Variants in SLC35F3 observed in about 807,000 individuals in gnomAD.
SLC35F3 encodes the protein solute carrier family 35 member F3.
Under a neutral mutation model 49.9 loss-of-function variants are expected in SLC35F3, and 25 were observed. That is an observed-to-expected ratio of 0.50 (90% confidence interval 0.37 to 0.70). The LOEUF is 0.70. Among genes scored for constraint, SLC35F3 ranks in the 30% least tolerant of loss-of-function variants. The pLI is 0.00. For missense variants in SLC35F3, 525 were observed against 639.8 expected (o/e 0.82, Z 1.94); for synonymous variants, 275 against 265.4 (o/e 1.04, Z -0.35).
At chr1:234,286,844 T>C (rs1420529856) in intron 3 of SLC35F3, among the ~76,000 whole-genome samples, 1 of 151,938 alleles carries the variant, frequency 6.6e-6, no homozygotes, top group African/African-American at 2.4e-5. Context: ...ACGTTGTGAG[T>C]TTTGCGTTAG....
At position 233,929,474 on chromosome 1, in the gene SLC35F3, G is replaced by C. The variant is rs142502421; in HGVS notation, c.283+23716G>C. Among the ~76,000 whole-genome samples the C allele has an allele frequency of 1.5e-3, 229 of 152,198 alleles. 1 individual carries two copies. The highest frequency in any genetic ancestry group is 5.4e-3 in the African/African-American group (223 of 41,536). ...TGGAAAAAGCCCACTACTTTACCCCGATCCTAAATCACTGGAAATGGACAC... is the reference window on the plus strand; with the variant it reads ...TGGAAAAAGCCCACTACTTTACCCCCATCCTAAATCACTGGAAATGGACAC... On this transcript the variant is annotated intron_variant, in intron 2 of 7. Transcript: ENST00000366618.
intron 3 of SLC35F3, among the ~76,000 whole-genome samples, chr1:234,275,805 TG>T (rs1668200951): frequency 2.0e-5 from 3 of 151,738 alleles, no homozygotes; most frequent in African/African-American, 7.3e-5. Flanking sequence ...CTGCTGCTGC[TG>T]CTGCTAGCTA....
chr1:233,976,407 C>G (rs1194824343), intron 2 of SLC35F3, among the ~76,000 whole-genome samples: 1 of 152,152 alleles, frequency 6.6e-6, no homozygotes, highest in African/African-American at 2.4e-5. Context: ...GTAGAGATCT[C>G]CCATATATCC....
At chr1:234,279,464 G>A (rs781317302) in intron 3 of SLC35F3, among the ~76,000 whole-genome samples, 8 of 152,128 alleles carry the variant, frequency 5.3e-5, no homozygotes, top group Admixed American at 2.6e-4. Context: ...GAGGGGAGAC[G>A]AACATGAGGC....
chr1:234,092,948 G>A lies in SLC35F3; in HGVS notation c.284-138469G>A, dbSNP rs544773447. 5.3e-5 allele frequency among the ~76,000 whole-genome samples: 8 copies of A among 152,226 alleles called. No homozygotes were observed. The South Asian group carries it at 1.2e-3, about 24-fold the overall frequency. On this transcript the variant is annotated intron_variant, in intron 2 of 7. Transcript: ENST00000366618. ...GAAGAAACATCTCTACTCTCCAGTC[G>A]GCTGAGTCTCCACCACTCCCTGTTT...
At chr1:234,164,459 C>T (rs1233503352) in intron 2 of SLC35F3, among the ~76,000 whole-genome samples, 1 of 151,736 alleles carries the variant, frequency 6.6e-6, no homozygotes, top group Non-Finnish European at 1.5e-5. Flanking sequence ...CCTGTTTTCT[C>T]CTTCCACATA....
chr1:234,233,120 C>G (rs2102952152), intron 3 of SLC35F3, among the ~76,000 whole-genome samples: 1 of 152,310 alleles, frequency 6.6e-6, no homozygotes, highest in Admixed American at 6.5e-5. Context: ...TTAATGCACC[C>G]TCTTCTGAAT....
intron 2 of SLC35F3, among the ~76,000 whole-genome samples, chr1:234,180,143 T>C (rs1051310856): frequency 5.3e-5 from 8 of 152,108 alleles, no homozygotes; most frequent in Non-Finnish European, 1.2e-4. Flanking sequence ...CCAGTTCTGG[T>C]GGTTTGTTGG....
intron 3 of SLC35F3, chr1:234,274,229 C>T (rs1346675952): frequency 6.6e-6 from 1 of 152,188 alleles, no homozygotes; most frequent in African/African-American, 2.4e-5. Context: ...TCTTCAACTT[C>T]TTCTCCATTT....
intron 2 of SLC35F3, among the ~76,000 whole-genome samples, chr1:233,983,026 C>G (rs902672742): frequency 6.6e-6 from 1 of 152,128 alleles, no homozygotes; most frequent in African/African-American, 2.4e-5. Context: ...CAGGTAGGAG[C>G]GCAGTTCCTG....
chr1:234,051,114 A>ATTG (rs1464361788), intron 2 of SLC35F3, among the ~76,000 whole-genome samples: 1 of 152,058 alleles, frequency 6.6e-6, no homozygotes, highest in Non-Finnish European at 1.5e-5. Context: ...TTGTCTTGGC[A>ATTG]TTGCGGGCTC....
chr1:234,319,521 G>A (rs1657565106), intron 6 of SLC35F3, among the ~76,000 whole-genome samples: 1 of 152,072 alleles, frequency 6.6e-6, no homozygotes, highest in Admixed American at 6.6e-5. Flanking sequence ...TGGGAAACAT[G>A]ATGAGACCTC....
At chr1:234,295,729 A>G (rs971238801) in intron 3 of SLC35F3, among the ~76,000 whole-genome samples, 8 of 152,174 alleles carry the variant, frequency 5.3e-5, no homozygotes, top group African/African-American at 1.9e-4. Flanking sequence ...CCTTTCTACC[A>G]CTGCAAAGCC....
intron 2 of SLC35F3, among the ~76,000 whole-genome samples, chr1:234,149,447 T>TG (rs937793780): frequency 1.5e-4 from 23 of 152,180 alleles, no homozygotes; most frequent in African/African-American, 5.1e-4. Flanking sequence ...GCTGACTGTT[T>TG]GGGGATATTC....
At chr1:234,300,415 T>C (rs1448778449) in intron 3 of SLC35F3, among the ~76,000 whole-genome samples, 1 of 152,224 alleles carries the variant, frequency 6.6e-6, no homozygotes, top group African/African-American at 2.4e-5. Flanking sequence ...CCATGCTTCA[T>C]TGTTTGAAAA....
Position 234,231,464 on chromosome 1 carries a change from C to G in SLC35F3, c.331C>G (p.Pro111Ala), listed in dbSNP as rs1161913489. 1 of 1,609,898 alleles carries G rather than the reference C, an allele frequency of 6.2e-7. No homozygotes were observed. The highest frequency in any genetic ancestry group is 8.5e-7 in the Non-Finnish European group (1 of 1,177,888). Residue 111 changes from proline to alanine, a missense_variant, in exon 3 of 8, where the codon CCG (proline) becomes GCG (alanine). Physicochemically the swap from Pro to Ala is conservative, Grantham distance 27. Coordinates refer to ENST00000366618, the MANE Select transcript of SLC35F3 (RefSeq NM_173508.4). The surrounding 1 kb of genome is among the most constrained non-coding windows in gnomAD (Gnocchi z 5.4). ...CCCGGGCCCGGCGGAGGCCCAGGCACCGGCCGGGGTGGAGGCCGGCGGGAG... is the reference window on the plus strand; with the variant it reads ...CCCGGGCCCGGCGGAGGCCCAGGCAGCGGCCGGGGTGGAGGCCGGCGGGAG... Reference protein sequence around the residue: ...DSPGPAEAQAPAGVEAGGRAS... With the variant: ...DSPGPAEAQAAAGVEAGGRAS...
intron 2 of SLC35F3, among the ~76,000 whole-genome samples, chr1:234,226,015 G>T (rs1010747117): frequency 6.6e-6 from 1 of 152,206 alleles, no homozygotes; most frequent in African/African-American, 2.4e-5. Context: ...TAGGGTTGAG[G>T]CTGGGAACAG....
intron 2 of SLC35F3, among the ~76,000 whole-genome samples, chr1:233,911,408 A>G (rs1661871239): frequency 6.6e-6 from 1 of 152,212 alleles, no homozygotes; most frequent in South Asian, 2.1e-4. Context: ...TTAAAAGAAA[A>G]GAGTTAGAGG....
chr1:233,918,433 G>A (rs60740594), intron 2 of SLC35F3, among the ~76,000 whole-genome samples: 8,010 of 152,148 alleles, frequency 0.053, 670 homozygotes, highest in African/African-American at 0.18. Context: ...TGTGATTTTG[G>A]GGGAAACATA....
Sources: gnomAD v4.1 joint callset for allele counts (sites outside exome capture counted in the v4.1 genomes callset) on GRCh38, gnomAD v4.1.1 for gene constraint, Gnocchi (gnomAD v3.1) non-coding constraint, MANE v1.5 for transcripts, NCBI Gene and HGNC (gene_info 2026-07-23, HGNC 2026-07-21) for gene names.